The following FASTKD2 variants were observed in gnomAD, a reference collection of about 807,000 sequenced individuals.
The protein encoded by FASTKD2 is FAST kinase domain-containing protein 2, mitochondrial.
FASTKD2 carries 51 observed loss-of-function variants against 63.6 expected under a neutral mutation model. The observed-to-expected ratio is 0.80, with a 90% CI of 0.64 to 1.01. The LOEUF is 1.01. Ranked by LOEUF, FASTKD2 falls within the 50% of genes least tolerant of loss-of-function variation. The pLI, the probability that FASTKD2 is intolerant of heterozygous loss-of-function variation, is 0.00. For synonymous variants in FASTKD2, 284 were observed against 293.4 expected, an observed-to-expected ratio of 0.97 and a Z score of 0.33; for missense variants, 786 against 831.1, an observed-to-expected ratio of 0.95 and a Z score of 0.67.
At chr2:206,776,418 G>A (rs1438142607) in intron 7 of FASTKD2, among the ~76,000 whole-genome samples, 1 of 151,588 alleles carries the variant, frequency 6.6e-6, no homozygotes, top group Non-Finnish European at 1.5e-5. Context: ...TGCACTTTTG[G>A]TATCATATAA....
intron 7 of FASTKD2, among the ~76,000 whole-genome samples, chr2:206,779,154 A>G (rs1689901670): frequency 6.6e-6 from 1 of 152,158 alleles, no homozygotes; most frequent in Non-Finnish European, 1.5e-5. Flanking sequence ...TCCTTGTGAC[A>G]ATTTTTAACT....
intron 8 of FASTKD2, among the ~76,000 whole-genome samples, chr2:206,787,135 A>G (rs1057339415): frequency 1.3e-5 from 2 of 152,220 alleles, no homozygotes; most frequent in African/African-American, 4.8e-5. Context: ...TAAGGAATGC[A>G]TCATTATTCC....
intron 3 of FASTKD2, 132 bp from the exon 4 acceptor site, chr2:206,771,050 C>G (rs908185876): frequency 3.1e-6 from 2 of 652,062 alleles, no homozygotes; most frequent in Non-Finnish European, 5.5e-6. Context: ...TACACTCTCT[C>G]AAGCAGGTAG....
In FASTKD2 at chr2:206,794,236, T is replaced by C. The variant is rs1690379961; in HGVS notation, c.*2434T>C. On this transcript the variant is annotated 3_prime_UTR_variant, in exon 12 of 12. Transcript: ENST00000402774. ...TGTCCCCTAAACAACCACTGATCTA[T>C]GGCACACATAGAAAAAAATTAGGAA... is the stretch of plus-strand genomic sequence containing the variant. 6.6e-6 allele frequency among the ~76,000 whole-genome samples: 1 copy of C among 152,122 alleles called. No homozygotes were observed. The highest frequency in any genetic ancestry group is 1.5e-5 in the Non-Finnish European group (1 of 68,022).
chr2:206,778,927 C>T (rs1689894938), intron 7 of FASTKD2, among the ~76,000 whole-genome samples: 1 of 152,118 alleles, frequency 6.6e-6, no homozygotes, highest in Non-Finnish European at 1.5e-5. Flanking sequence ...AAATTGTCTT[C>T]CATGAAACCA....
chr2:206,786,240 T>C (rs1181778044), intron 7 of FASTKD2, among the ~76,000 whole-genome samples: 1 of 152,312 alleles, frequency 6.6e-6, no homozygotes, highest in East Asian at 1.9e-4. Context: ...TAGCTGTGGG[T>C]GGTAGGATTA....
rs147484139 is a variant in FASTKD2 at position 206,766,303 on chromosome 2, A to G, written c.-50-341A>G. Among the ~76,000 whole-genome samples, 405 of 151,224 alleles carry G rather than the reference A, an allele frequency of 2.7e-3. 3 individuals carry two copies. The highest frequency in any genetic ancestry group is 9.4e-3 in the African/African-American group (386 of 41,234). On this transcript the variant is annotated intron_variant, in intron 1 of 11. Coordinates refer to ENST00000402774, the MANE Select transcript of FASTKD2 (RefSeq NM_001136193.2). ...AAAAAAAACAGAGAAGAGAAAAGAA[A>G]ATGATCTATCAATGCTAATCCCCTA...
At chr2:206,766,047 G>A (rs1020058877) in intron 1 of FASTKD2, among the ~76,000 whole-genome samples, 5 of 151,978 alleles carry the variant, frequency 3.3e-5, no homozygotes, top group Non-Finnish European at 7.4e-5. Context: ...ATTACCTGAG[G>A]TCAGGAGTTC....
At chr2:206,782,255 G>T (rs1574671302) in intron 7 of FASTKD2, among the ~76,000 whole-genome samples, 1 of 152,276 alleles carries the variant, frequency 6.6e-6, no homozygotes, top group African/African-American at 2.4e-5. Context: ...CTTTGGGGAG[G>T]GGCTGACCTG....
chr2:206,779,490 G>C (rs952195349), intron 7 of FASTKD2, among the ~76,000 whole-genome samples: 1 of 152,164 alleles, frequency 6.6e-6, no homozygotes, highest in Non-Finnish European at 1.5e-5. Context: ...TATGGCGGAA[G>C]GCAAAGGGGA....
chr2:206,770,240 C>T (rs763365198), intron 3 of FASTKD2, 46 bp downstream of exon 3: 12 of 1,195,998 alleles, frequency 1.0e-5, no homozygotes, highest in African/African-American at 3.0e-5. Context: ...CTTTGTTCCT[C>T]ATATATCTGG....
chr2:206,767,056 C>T lies in FASTKD2; in HGVS notation c.363C>T (p.Val121=). Residue 121 remains valine (V), a synonymous_variant, in exon 2 of 12, where the codon GTC becomes GTT. Transcript: ENST00000402774. Reference sequence around the variant, plus strand: ...TTTTTGACTCAAAGCAGTCTCTTGTCCCTGTTGATAAATCTGATGATGAAT... The same window carrying T: ...TTTTTGACTCAAAGCAGTCTCTTGTTCCTGTTGATAAATCTGATGATGAAT... ...RLFFDSKQSL[V]PVDKSDDELK... 1 of 1,614,020 alleles carries T rather than the reference C, an allele frequency of 6.2e-7. No individual in the cohort carries two copies. Among genetic ancestry groups the T allele is most frequent in the Non-Finnish European group, 8.5e-7 (1 of 1,179,902 alleles).
At chr2:206,766,500 T>C (rs1048979866) in intron 1 of FASTKD2, 144 bp from the exon 2 acceptor site, 1 of 564,580 alleles carries the variant, frequency 1.8e-6, no homozygotes, top group Admixed American at 3.0e-5. Context: ...GAGCCCACAT[T>C]GGTAAAAAAA....
At chr2:206,772,116 A>G in intron 5 of FASTKD2, 65 bp from the exon 6 acceptor site, 1 of 1,592,048 alleles carries the variant, frequency 6.3e-7, no homozygotes, top group South Asian at 1.1e-5. Flanking sequence ...TGAAAAAAGA[A>G]TAAAGCATGT....
chr2:206,786,252 G>T (rs899606041), intron 7 of FASTKD2, among the ~76,000 whole-genome samples: 1 of 152,138 alleles, frequency 6.6e-6, no homozygotes, highest in Non-Finnish European at 1.5e-5. Context: ...GTAGGATTAG[G>T]CTTGCAGTTC....
chr2:206,779,876 A>G (rs1315925833), intron 7 of FASTKD2, among the ~76,000 whole-genome samples: 2 of 152,046 alleles, frequency 1.3e-5, no homozygotes, highest in South Asian at 2.1e-4. Context: ...AGATGTTTCA[A>G]TTCCTTTCTG....
chr2:206,781,239 C>T (rs73070063), intron 7 of FASTKD2, among the ~76,000 whole-genome samples: 5,955 of 150,438 alleles, frequency 0.04, 234 homozygotes, highest in African/African-American at 0.1. Context: ...CTGGCTTTGA[C>T]AGGGAAAGAC....
intron 2 of FASTKD2, among the ~76,000 whole-genome samples, chr2:206,769,017 G>T (rs1416406172): frequency 2.0e-5 from 3 of 152,172 alleles, no homozygotes; most frequent in Non-Finnish European, 4.4e-5. Context: ...ACAGATATTT[G>T]CATCGGGATG....
rs1045249243 is a variant in FASTKD2, at chr2:206,793,612, A to G, written c.*1810A>G. On this transcript the variant is annotated 3_prime_UTR_variant, in exon 12 of 12. Transcript: ENST00000402774. The stretch of plus-strand genomic sequence containing the variant: ...AAAGGAACTAAGGTTTTGTCTTTAA[A>G]TGTTGAGTGTGCATCAGTTTTGAGT... Among the ~76,000 whole-genome samples, 3 of 152,194 alleles carry G rather than the reference A, an allele frequency of 2.0e-5. No individual in the cohort carries two copies. The highest frequency in any genetic ancestry group is 6.5e-5 in the Admixed American group (1 of 15,276).
Sources: allele counts gnomAD v4.1 joint callset (sites outside exome capture counted in the v4.1 genomes callset), GRCh38; gene constraint gnomAD v4.1.1; transcripts MANE v1.5; gene names NCBI Gene and HGNC (gene_info 2026-07-23, HGNC 2026-07-21).